The following FBXL2 variants were observed in gnomAD, a reference collection of about 807,000 sequenced individuals.
The protein encoded by FBXL2 is F-box and leucine rich repeat protein 2.
FBXL2 carries 38 observed loss-of-function variants against 69.2 expected under a neutral mutation model. The ratio of observed to expected loss-of-function variants is 0.55; its 90% CI spans 0.42 to 0.72. FBXL2 has a LOEUF of 0.72. Among genes scored for constraint, FBXL2 ranks in the 30% least tolerant of loss-of-function variants. The probability of loss-of-function intolerance (pLI) is 0.00; values close to 1 mark genes in which losing one functional copy is unlikely to be tolerated. For synonymous variants in FBXL2, 192 were observed against 201.3 expected, an observed-to-expected ratio of 0.95 and a Z score of 0.39; for missense variants, 354 against 520.3, an observed-to-expected ratio of 0.68 and a Z score of 3.11.
chr3:33,385,879 A>C lies in FBXL2; in HGVS notation c.*271A>C. The stretch of plus-strand genomic sequence containing the variant: ...ACCATGCCAGAAACCTGGATCTCTT[A>C]AGAGATTGGTACCTACCTAGGTACG... On this transcript the variant is annotated 3_prime_UTR_variant, in exon 15 of 15. Coordinates refer to ENST00000484457, the MANE Select transcript of FBXL2 (RefSeq NM_012157.5). 1 of 474,036 alleles carries C rather than the reference A, an allele frequency of 2.1e-6. No homozygotes were observed. Among genetic ancestry groups the C allele is most frequent in the African/African-American group, 2.0e-5 (1 of 51,002 alleles). 29.4% of individuals were successfully genotyped at this position (474,036 alleles called of 1,614,324 possible).
At chr3:33,351,309 T>TTA (rs779606590) in intron 2 of FBXL2, among the ~76,000 whole-genome samples, 6 of 152,156 alleles carry the variant, frequency 3.9e-5, no homozygotes, top group Non-Finnish European at 8.8e-5. Flanking sequence ...TAATTAGCAA[T>TTA]TATAGTAAGG....
At chr3:33,375,456 T>C (rs974766245) in intron 10 of FBXL2, 38 bp downstream of exon 10, 32 of 1,599,158 alleles carry the variant, frequency 2.0e-5, no homozygotes, top group Non-Finnish European at 2.7e-5. Context: ...AGCTCAGAGT[T>C]TGGCTGAGTT....
intron 2 of FBXL2, among the ~76,000 whole-genome samples, chr3:33,332,329 A>C (rs1575224621): frequency 6.6e-6 from 1 of 152,144 alleles, no homozygotes; most frequent in Admixed American, 6.5e-5. Context: ...TGAAATAAAA[A>C]CCTTTTCCAT....
intron 2 of FBXL2, among the ~76,000 whole-genome samples, chr3:33,315,645 T>G (rs1295096003): frequency 6.6e-6 from 1 of 152,188 alleles, no homozygotes; most frequent in African/African-American, 2.4e-5. Context: ...TTCTTTCATT[T>G]ATAATTCTAT....
At chr3:33,412,657 A>G in the FBXL2 span, 3 of 1,066,712 alleles carry the variant, frequency 2.8e-6, no homozygotes, top group East Asian at 4.7e-5. Context: ...ATGCCAACAC[A>G]ACACATTACT....
intron 12 of FBXL2, chr3:33,396,106 C>A: frequency 6.9e-7 from 1 of 1,444,728 alleles, no homozygotes; most frequent in Non-Finnish European, 9.5e-7. Flanking sequence ...CGAGTCCTTT[C>A]CGTTTCTGTC....
At chr3:33,411,487 A>G in the FBXL2 span, 1 of 1,038,234 alleles carries the variant, frequency 9.6e-7, no homozygotes. Flanking sequence ...TTATAAATAG[A>G]CATTTAAAGG....
At chr3:33,284,756 A>G (rs1191029809) in intron 1 of FBXL2, among the ~76,000 whole-genome samples, 1 of 152,134 alleles carries the variant, frequency 6.6e-6, no homozygotes, top group Non-Finnish European at 1.5e-5. Context: ...TATATTTAGG[A>G]TAGTTAGCTC....
chr3:33,308,256 G>A (rs925877682), intron 2 of FBXL2, among the ~76,000 whole-genome samples: 1 of 152,032 alleles, frequency 6.6e-6, no homozygotes, highest in Non-Finnish European at 1.5e-5. Flanking sequence ...TCCCAGACCT[G>A]GAATTAGCCA....
At chr3:33,283,917 C>T (rs145977062) in intron 1 of FBXL2, among the ~76,000 whole-genome samples, 61 of 152,110 alleles carry the variant, frequency 4.0e-4, no homozygotes, top group African/African-American at 2.2e-4. Flanking sequence ...TCTTTTATTG[C>T]GTCTATTTGA....
Position 33,385,692 on chromosome 3 carries a change from C to A in FBXL2, c.*84C>A. On this transcript the variant is annotated 3_prime_UTR_variant, in exon 15 of 15. Coordinates refer to ENST00000484457, the MANE Select transcript of FBXL2 (RefSeq NM_012157.5). ...CTTCCTGACCGACTCCACCATCACC[C>A]AATCTGTTGATTCTCCATTGGGAAA... The A allele has an allele frequency of 2.8e-6, 3 of 1,062,914 alleles. No homozygotes were observed. Among genetic ancestry groups the A allele is most frequent in the Non-Finnish European group, 4.3e-6 (3 of 689,852 alleles). 65.8% of individuals were successfully genotyped at this position (1,062,914 alleles called of 1,614,324 possible).
intron 1 of FBXL2, among the ~76,000 whole-genome samples, chr3:33,288,685 T>A (rs1207556828): frequency 6.6e-6 from 1 of 151,460 alleles, no homozygotes; most frequent in Non-Finnish European, 1.5e-5. Flanking sequence ...GGGGCTGGAG[T>A]GTAGTAAGAG....
chr3:33,336,464 G>A (rs553322259), intron 2 of FBXL2, among the ~76,000 whole-genome samples: 20 of 152,264 alleles, frequency 1.3e-4, no homozygotes, highest in Admixed American at 7.2e-4. Context: ...AGATATAAAT[G>A]TGAAAGGTAA....
At chr3:33,414,821 C>T in the FBXL2 span, among the ~76,000 whole-genome samples, 1 of 152,112 alleles carries the variant, frequency 6.6e-6, no homozygotes, top group East Asian at 1.9e-4. Flanking sequence ...TAAAAATGAA[C>T]CCTTTTCAAT....
At chr3:33,403,295 A>C (rs1431808892) in exon 13 of FBXL2, 1 of 241,330 alleles carries the variant, frequency 4.1e-6, no homozygotes, top group African/African-American at 2.4e-5. Context: ...TTTATAAGCA[A>C]CATCTGACAT....
intron 12 of FBXL2, chr3:33,403,039 G>A (rs1000649827): frequency 2.3e-5 from 18 of 770,204 alleles, no homozygotes; most frequent in Non-Finnish European, 3.8e-5. Context: ...CAACCTCACA[G>A]ACACATGTCA....
intron 5 of FBXL2, among the ~76,000 whole-genome samples, chr3:33,369,953 A>G (rs1331817809): frequency 6.6e-6 from 1 of 152,278 alleles, no homozygotes; most frequent in South Asian, 2.1e-4. Flanking sequence ...TATACACCCA[A>G]GTAGTTGCTA....
At chr3:33,390,677 G>A (rs916518194), downstream of FBXL2, 10 of 368,092 alleles carry the variant, frequency 2.7e-5, no homozygotes, top group Admixed American at 1.9e-4. Context: ...GTCCATAAGG[G>A]GAGCAAGAGC....
intron 2 of FBXL2, among the ~76,000 whole-genome samples, chr3:33,356,184 G>A (rs905658628): frequency 1.3e-5 from 2 of 152,076 alleles, no homozygotes; most frequent in African/African-American, 2.4e-5. Context: ...CTCACTAAAC[G>A]AAAACTACTT....
Sources: gnomAD v4.1 joint callset for allele counts (sites outside exome capture counted in the v4.1 genomes callset) on GRCh38, gnomAD v4.1.1 for gene constraint, MANE v1.5 for transcripts, NCBI Gene and HGNC (gene_info 2026-07-23, HGNC 2026-07-21) for gene names.